WASF1: variants seen among roughly 807,000 people sequenced by gnomAD.
WASF1 encodes the protein actin-binding protein WASF1.
In WASF1, 7 loss-of-function variants were observed where a neutral mutation model predicts 50.5. That is an observed-to-expected ratio of 0.14 (90% CI 0.08 to 0.26). The LOEUF is 0.26. Ranked by LOEUF, WASF1 falls within the 10% of genes least tolerant of loss-of-function variation. The probability of loss-of-function intolerance (pLI) is 1.00; values close to 1 mark genes in which losing one functional copy is unlikely to be tolerated. For synonymous variants in WASF1, 205 were observed against 244.0 expected, an observed-to-expected ratio of 0.84 and a Z score of 1.49; for missense variants, 470 against 694.7, an observed-to-expected ratio of 0.68 and a Z score of 3.64.
chr6:110,113,199 A>AG, intron 5 of WASF1, 127 bp downstream of exon 5: 1 of 820,892 alleles, frequency 1.2e-6, no homozygotes, highest in Non-Finnish European at 1.7e-6. Context: ...GATTTATTAC[A>AG]ATATGTACAC....
rs1218731035 is a variant in WASF1 at position 110,108,614 on chromosome 6, G to A, written c.336C>T (p.Phe112=). Residue 112 remains phenylalanine (F), a synonymous_variant, in exon 6 of 11, where the codon TTC becomes TTT. Transcript: ENST00000392589. ...ATGGAATAGGCAAAGTCTTGCGATC[G>A]AAAAGCTGCTGGTCTTGAATTGTAG... ...RSSTIQDQQL[F]DRKTLPIPLQ... is the part of the protein sequence containing the mutation. 4.3e-6 allele frequency: 7 copies of A among 1,613,890 alleles called. No individual in the cohort carries two copies. Among genetic ancestry groups the A allele is most frequent in the African/African-American group, 1.3e-5 (1 of 74,896 alleles).
intron 3 of WASF1, among the ~76,000 whole-genome samples, chr6:110,131,693 G>C (rs1423249021): frequency 2.6e-5 from 4 of 152,006 alleles, no homozygotes; most frequent in Non-Finnish European, 5.9e-5. Context: ...TTAGGAGATG[G>C]GGTCCTGCCA....
In WASF1 at chr6:110,101,851, A is replaced by C; in HGVS notation, c.1259T>G (p.Val420Gly). Residue 420 changes from valine to glycine, a missense_variant, in exon 10 of 11, where the codon GTT (valine) becomes GGT (glycine). By Grantham distance (109) the Val-to-Gly change is moderately radical. This residue lies in a region of WASF1 where 294 missense variants were observed against 343.5 expected (regional missense o/e 0.86). Coordinates refer to ENST00000392589, the MANE Select transcript of WASF1 (RefSeq NM_003931.3). Reference protein sequence around the residue: ...VPVHPLPQGEVQGLPPPPPPP... With the variant: ...VPVHPLPQGEGQGLPPPPPPP... The stretch of plus-strand genomic sequence containing the variant: ...TGGTGGGGGTGGAGGCAGCCCCTGA[A>C]CTTCACCTTGTGGGAGTGGATGAAC... The C allele has an allele frequency of 1.2e-6, 2 of 1,613,816 alleles. No homozygotes were observed. The highest frequency in any genetic ancestry group is 1.7e-6 in the Non-Finnish European group (2 of 1,179,892).
chr6:110,114,578 G>A (rs1197670234), intron 4 of WASF1, among the ~76,000 whole-genome samples: 2 of 152,088 alleles, frequency 1.3e-5, no homozygotes, highest in Non-Finnish European at 1.5e-5. Context: ...AACATGATTT[G>A]AGAAAAAGTG....
At chr6:110,128,167 C>T (rs1774498193) in intron 3 of WASF1, among the ~76,000 whole-genome samples, 1 of 151,974 alleles carries the variant, frequency 6.6e-6, no homozygotes, top group Non-Finnish European at 1.5e-5. Context: ...AATGAAATTA[C>T]CCAACTAAAA....
intron 3 of WASF1, among the ~76,000 whole-genome samples, chr6:110,139,420 C>T (rs1367828807): frequency 6.6e-6 from 1 of 152,240 alleles, no homozygotes; most frequent in Non-Finnish European, 1.5e-5. Flanking sequence ...CAGCCAGCAT[C>T]TTTGCAGCAG....
chr6:110,137,619 G>A (rs371702798), intron 3 of WASF1, among the ~76,000 whole-genome samples: 2 of 152,248 alleles, frequency 1.3e-5, no homozygotes, highest in African/African-American at 2.4e-5. Context: ...TGCACATGAC[G>A]AAAGGACCCC....
intron 3 of WASF1, among the ~76,000 whole-genome samples, chr6:110,143,251 C>T (rs1775342988): frequency 6.6e-6 from 1 of 151,846 alleles, no homozygotes; most frequent in South Asian, 2.1e-4. Flanking sequence ...TATAAGATCT[C>T]ACAATATCTT....
At chr6:110,152,988 G>T (rs967835141) in intron 3 of WASF1, among the ~76,000 whole-genome samples, 1 of 152,294 alleles carries the variant, frequency 6.6e-6, no homozygotes, top group Admixed American at 6.5e-5. Flanking sequence ...GATTCACAGA[G>T]TAGTAACTAT....
Position 110,132,963 on chromosome 6 carries a change from T to TACACACACACACACAC in WASF1, c.-28-5350_-28-5335dup, listed in dbSNP as rs142466639. Among the ~76,000 whole-genome samples, 453 of 130,132 alleles carry TACACACACACACACAC rather than the reference T, an allele frequency of 3.5e-3. 2 individuals are homozygous for TACACACACACACACAC. Among genetic ancestry groups the TACACACACACACACAC allele is most frequent in the African/African-American group, 3.4e-3 (117 of 34,514 alleles). The allele number at this position is 130,132 out of a possible 152,430, so 85.4% of individuals were successfully genotyped here. A position where few individuals can be genotyped will look rare whatever the true frequency, so the allele number is the denominator to read the frequency against. Reference sequence around the variant, plus strand: ...GTTTGTGTGTGTATTCCATGGTGTATACACACACACACACACACACACACC... The same window carrying TACACACACACACACAC: ...GTTTGTGTGTGTATTCCATGGTGTATACACACACACACACACACACACACACACACACACACACACC... On this transcript the variant is annotated intron_variant, in intron 3 of 10. Coordinates refer to ENST00000392589, the MANE Select transcript of WASF1 (RefSeq NM_003931.3).
chr6:110,102,112 G>C lies in WASF1; in HGVS notation c.998C>G (p.Ser333Cys), dbSNP rs1396457560. 1.3e-6 allele frequency: 2 copies of C among 1,494,922 alleles called. No homozygotes were observed. Among genetic ancestry groups the C allele is most frequent in the Non-Finnish European group, 1.8e-6 (2 of 1,122,724 alleles). The allele number at this position is 1,494,922 out of a possible 1,614,324, so 92.6% of individuals were successfully genotyped here. ...TCTTAATGAGGAAGTTGACAAGGCA[G>C]ATGGAAGAGGTGGTGGAGGAGGTGG... is the stretch of plus-strand genomic sequence containing the variant. ...TPPPPPPPLP[S>C]ALSTSSLRAS... is the part of the protein sequence containing the mutation. Residue 333 changes from serine to cysteine, a missense_variant, in exon 10 of 11, where the codon TCT becomes TGT. This residue lies in a region of WASF1 where 294 missense variants were observed against 343.5 expected (regional missense o/e 0.86). Transcript: ENST00000392589.
intron 3 of WASF1, among the ~76,000 whole-genome samples, chr6:110,133,412 G>A (rs1273273635): frequency 2.6e-5 from 4 of 151,970 alleles, no homozygotes; most frequent in African/African-American, 9.7e-5. Context: ...TCCAATAGTG[G>A]GACCGCTGGA....
intron 4 of WASF1, among the ~76,000 whole-genome samples, chr6:110,124,227 CT>C (rs1218520859): frequency 0.031 from 1,969 of 63,382 alleles, 85 homozygotes; most frequent in South Asian, 0.046. Flanking sequence ...CCTCTCTCTC[CT>C]CTCTCTCCTC....
intron 3 of WASF1, among the ~76,000 whole-genome samples, chr6:110,154,239 C>G (rs73535837): frequency 6.6e-6 from 1 of 151,828 alleles, no homozygotes. Flanking sequence ...ATACCTAATA[C>G]AATACAATAT....
At chr6:110,115,054 T>C (rs1001977568) in intron 4 of WASF1, among the ~76,000 whole-genome samples, 3 of 151,008 alleles carry the variant, frequency 2.0e-5, no homozygotes, top group African/African-American at 7.3e-5. Context: ...ATCATGCCAC[T>C]GTACTCCAGC....
chr6:110,147,301 A>G lies in WASF1; in HGVS notation c.-29+13334T>C, dbSNP rs377199702. Among the ~76,000 whole-genome samples the G allele has an allele frequency of 1.1e-4, 17 of 149,822 alleles. No individual in the cohort carries two copies. In the East Asian group the frequency reaches 3.2e-3, roughly 28 times the overall value. On this transcript the variant is annotated intron_variant, in intron 3 of 10. Transcript: ENST00000392589. Reference sequence around the variant, plus strand: ...GCGGAGCTTGCAGTGAGCCGAGATCATGCCACTGCACTCCAGCCTGGGCAA... The same window carrying G: ...GCGGAGCTTGCAGTGAGCCGAGATCGTGCCACTGCACTCCAGCCTGGGCAA...
intron 4 of WASF1, among the ~76,000 whole-genome samples, chr6:110,116,017 A>G (rs1458442764): frequency 6.6e-6 from 1 of 152,190 alleles, no homozygotes; most frequent in Non-Finnish European, 1.5e-5. Context: ...GTGCCTCCAA[A>G]CCAGTACCAG....
At position 110,100,623 on chromosome 6, in the gene WASF1, T is replaced by C. The variant is rs1241004485; in HGVS notation, c.1579A>G (p.Ile527Val). 3 of 1,613,690 alleles carry C rather than the reference T, an allele frequency of 1.9e-6. No individual in the cohort carries two copies. Among genetic ancestry groups the C allele is most frequent in the Admixed American group, 1.7e-5 (1 of 59,966 alleles). ...QREQEAKHER[I>V]ENDVATILSR... Reference sequence around the variant, plus strand: ...AGGATGGTGGCAACATCGTTTTCAATGCGTTCATGCTTAGCTTCCTGTTCA... The same window carrying C: ...AGGATGGTGGCAACATCGTTTTCAACGCGTTCATGCTTAGCTTCCTGTTCA... Residue 527 changes from isoleucine to valine, a missense_variant, in exon 11 of 11, where the codon ATT becomes GTT. Physicochemically the swap from Ile to Val is conservative, Grantham distance 29. Coordinates refer to ENST00000392589, the MANE Select transcript of WASF1 (RefSeq NM_003931.3).
Position 110,113,467 on chromosome 6 carries a change from A to G in WASF1, c.134-7T>C. 6.3e-7 allele frequency: 1 copy of G among 1,582,896 alleles called. No individual in the cohort carries two copies. The highest frequency in any genetic ancestry group is 8.6e-7 in the Non-Finnish European group (1 of 1,167,214). Reference sequence around the variant, plus strand: ...ATATCTTCAGCATATTTACCTAAGCAAAAATGACACATATATCATAAAATT... The same window carrying G: ...ATATCTTCAGCATATTTACCTAAGCGAAAATGACACATATATCATAAAATT... On this transcript the variant is annotated splice_region_variant and splice_polypyrimidine_tract_variant and intron_variant, in intron 4 of 10. Coordinates refer to ENST00000392589, the MANE Select transcript of WASF1 (RefSeq NM_003931.3).
Sources: gnomAD v4.1 joint callset for allele counts (sites outside exome capture counted in the v4.1 genomes callset) on GRCh38, gnomAD v4.1.1 for gene constraint, gnomAD v4.1.1 regional missense constraint, MANE v1.5 for transcripts, NCBI Gene and HGNC (gene_info 2026-07-23, HGNC 2026-07-21) for gene names.